The following ICE1 variants were observed in gnomAD, a reference collection of about 807,000 sequenced individuals.
The protein encoded by ICE1 is little elongation complex subunit 1.
A neutral mutation model predicts 192.7 loss-of-function variants in ICE1; 64 were observed. The observed-to-expected ratio is 0.33, with a 90% CI of 0.27 to 0.41. The LOEUF is 0.41. ICE1 is among the 10% of genes least tolerant of loss of function. The pLI is 1.00. For missense variants in ICE1, 2,708 were observed against 2,696.0 expected, an observed-to-expected ratio of 1.00 and a Z score of -0.10; for synonymous variants, 1,010 against 984.5, an observed-to-expected ratio of 1.03 and a Z score of -0.49.
rs1739634328 is a variant in ICE1, at chr5:5,486,195, C to T, written c.6521-526C>T. Among the ~76,000 whole-genome samples the T allele has an allele frequency of 2.0e-5, 3 of 152,182 alleles. No homozygotes were observed. The South Asian group carries it at 6.2e-4, about 32-fold the overall frequency. Reference sequence around the variant, plus strand: ...TGGCTTTTTGAGTGTGAGCACCTGGCAGTGGAGAATAACTCCCATTTAGCG... The same window carrying T: ...TGGCTTTTTGAGTGTGAGCACCTGGTAGTGGAGAATAACTCCCATTTAGCG... On this transcript the variant is annotated intron_variant, in intron 17 of 18. Coordinates refer to ENST00000296564, the MANE Select transcript of ICE1 (RefSeq NM_015325.3).
At position 5,454,597 on chromosome 5, in the gene ICE1, C is replaced by G. The variant is rs776188378; in HGVS notation, c.650C>G (p.Thr217Arg). 7 of 1,613,544 alleles carry G rather than the reference C, an allele frequency of 4.3e-6. No homozygotes were observed. In the South Asian group the frequency reaches 7.7e-5, roughly 18 times the overall value. Reference protein sequence around the residue: ...LLKELWLCVNTTHRLPGEGSR... With the variant: ...LLKELWLCVNRTHRLPGEGSR... ...AAGGAACTCTGGCTCTGTGTAAACACAACACACAGACTACCTGGTGAAGGC... is the reference window on the plus strand; with the variant it reads ...AAGGAACTCTGGCTCTGTGTAAACAGAACACACAGACTACCTGGTGAAGGC... Residue 217 changes from threonine (T) to arginine (R), a missense_variant, in exon 11 of 19, where the codon ACA becomes AGA. Transcript: ENST00000296564.
At chr5:5,454,437 G>A (rs568104023) in intron 10 of ICE1, 115 bp from the exon 11 acceptor site, 71 of 644,730 alleles carry the variant, frequency 1.1e-4, no homozygotes, top group Non-Finnish European at 1.1e-4. Context: ...GTTTGGGGAA[G>A]ATGTATATGT....
At chr5:5,452,755 C>T (rs1003613830) in intron 10 of ICE1, among the ~76,000 whole-genome samples, 1 of 152,086 alleles carries the variant, frequency 6.6e-6, no homozygotes, top group Non-Finnish European at 1.5e-5. Context: ...ATTCAGTAAC[C>T]TACCCTGATT....
Position 5,489,664 on chromosome 5 carries a change from G to A in ICE1, c.*334G>A, listed in dbSNP as rs374622641. On this transcript the variant is annotated 3_prime_UTR_variant, in exon 19 of 19. Transcript: ENST00000296564. ...TTTAGTGGCTTCTTAAAATTGAGTG[G>A]CATTTTATAATGAACTTACCAATAT... is the stretch of plus-strand genomic sequence containing the variant. The A allele has an allele frequency of 2.7e-4, 48 of 176,654 alleles. 1 individual carries two copies. In the South Asian group the frequency reaches 8.0e-3, roughly 29 times the overall value. The allele number at this position is 176,654 out of a possible 1,614,324, so 10.9% of individuals were successfully genotyped here.
intron 10 of ICE1, among the ~76,000 whole-genome samples, chr5:5,448,247 A>G (rs1174401628): frequency 6.6e-6 from 1 of 152,186 alleles, no homozygotes; most frequent in East Asian, 1.9e-4. Flanking sequence ...TATATAAGAA[A>G]ATGTTAAAGT....
chr5:5,440,081 T>C (rs983275708), intron 4 of ICE1, among the ~76,000 whole-genome samples, 168 bp downstream of exon 4: 2 of 151,876 alleles, frequency 1.3e-5, no homozygotes, highest in Admixed American at 6.6e-5. Context: ...ACTCAAGTTC[T>C]CCTACTATTA....
intron 1 of ICE1, among the ~76,000 whole-genome samples, chr5:5,426,175 C>T (rs1342283688): frequency 2.0e-5 from 3 of 152,194 alleles, no homozygotes; most frequent in Non-Finnish European, 2.9e-5. Context: ...GGGCTGGGAG[C>T]GGTGGCTCAT....
intron 16 of ICE1, 100 bp from the exon 17 acceptor site, chr5:5,475,873 C>T (rs554459268): frequency 1.4e-6 from 1 of 738,974 alleles, no homozygotes; most frequent in Non-Finnish European, 2.3e-6. Flanking sequence ...AGATCCTCAG[C>T]AGTTATCCTC....
chr5:5,471,225 A>G (rs1739147774), intron 15 of ICE1, among the ~76,000 whole-genome samples: 1 of 152,176 alleles, frequency 6.6e-6, no homozygotes. Context: ...GAAGACTACT[A>G]CCTGCAGTCC....
chr5:5,483,568 C>G (rs1212578717), intron 17 of ICE1, among the ~76,000 whole-genome samples: 1 of 152,146 alleles, frequency 6.6e-6, no homozygotes, highest in Non-Finnish European at 1.5e-5. Flanking sequence ...CTGCAGTGCT[C>G]AGTTCTTGGC....
Position 5,444,276 on chromosome 5 carries a change from A to G in ICE1, c.387-13A>G. The G allele has an allele frequency of 2.6e-6, 4 of 1,552,596 alleles. No homozygotes were observed. Among genetic ancestry groups the G allele is most frequent in the South Asian group, 2.4e-5 (2 of 83,980 alleles). On this transcript the variant is annotated splice_polypyrimidine_tract_variant and intron_variant, in intron 6 of 18. Transcript: ENST00000296564. ...TCTTTCTTGCCATTTAACTTACACA[A>G]TTTCGTTATTAGGAAGAAGAAACTA...
intron 1 of ICE1, among the ~76,000 whole-genome samples, chr5:5,433,819 TATTC>T (rs1737793190): frequency 6.6e-6 from 1 of 152,164 alleles, no homozygotes; most frequent in African/African-American, 2.4e-5. Context: ...AGCAAAGTCT[TATTC>T]ATGCATGAGA....
At chr5:5,478,077 C>T (rs752721338) in intron 17 of ICE1, among the ~76,000 whole-genome samples, 4 of 152,216 alleles carry the variant, frequency 2.6e-5, no homozygotes, top group African/African-American at 4.8e-5. Flanking sequence ...GGCAAGGATG[C>T]CCTCTCTTAC....
intron 1 of ICE1, among the ~76,000 whole-genome samples, chr5:5,424,451 C>G (rs906345043): frequency 6.8e-6 from 1 of 146,926 alleles, no homozygotes; most frequent in African/African-American, 2.5e-5. Context: ...ATTTATTATT[C>G]GAGCCAATTC....
rs765557607 is a variant in ICE1, at chr5:5,464,150, G to A, written c.4816G>A (p.Ala1606Thr). ...AAGAAGCCAAACTCAGACCATTTTA[G>A]CAAATGCTGATACATCCACTCCTAC... is the stretch of plus-strand genomic sequence containing the variant. ...TQRSQTQTIL[A>T]NADTSTPTDC... The change falls in exon 13 of 19, where the codon GCA becomes ACA. Residue 1606 changes from alanine to threonine, a missense_variant. Around this residue, in one of 2 missense-constraint regions of ICE1, gnomAD observed 2,366 missense variants for 2,276.6 expected, o/e 1.04. Coordinates refer to ENST00000296564, the MANE Select transcript of ICE1 (RefSeq NM_015325.3). This position sits in a 1 kb window ranked among gnomAD's most constrained non-coding sequence, Gnocchi z 4.0. The A allele has an allele frequency of 6.2e-7, 1 of 1,613,546 alleles. No individual in the cohort carries two copies. The highest frequency in any genetic ancestry group is 2.2e-5 in the East Asian group (1 of 44,848).
chr5:5,462,956 A>C lies in ICE1; in HGVS notation c.3622A>C (p.Lys1208Gln). The C allele has an allele frequency of 6.2e-7, 1 of 1,612,832 alleles. No homozygotes were observed. Among genetic ancestry groups the C allele is most frequent in the South Asian group, 1.1e-5 (1 of 90,694 alleles). ...AGGAACCCTAAGTAAAGAAATGAACAAAGAATTAAAGGCAAGTGAAATAGG... is the reference window on the plus strand; with the variant it reads ...AGGAACCCTAAGTAAAGAAATGAACCAAGAATTAAAGGCAAGTGAAATAGG... Reference protein sequence around the residue: ...SKGTLSKEMNKELKASEIGEK... With the variant: ...SKGTLSKEMNQELKASEIGEK... Residue 1208 changes from lysine (K) to glutamine (Q), a missense_variant, in exon 13 of 19, where the codon AAA becomes CAA. Coordinates refer to ENST00000296564, the MANE Select transcript of ICE1 (RefSeq NM_015325.3).
chr5:5,474,566 A>G lies in ICE1; in HGVS notation c.6413+818A>G, dbSNP rs957787832. Among the ~76,000 whole-genome samples the G allele has an allele frequency of 3.9e-5, 6 of 152,360 alleles. No homozygotes were observed. The South Asian group carries it at 1.0e-3, about 26-fold the overall frequency. On this transcript the variant is annotated intron_variant, in intron 16 of 18. Transcript: ENST00000296564. ...AATTAAGCTCTCTGACATTCATTGT[A>G]TGTAGTAAATTAACTTTTCTCTGTG...
At chr5:5,469,837 A>G (rs1739104330) in intron 15 of ICE1, among the ~76,000 whole-genome samples, 1 of 152,326 alleles carries the variant, frequency 6.6e-6, no homozygotes, top group African/African-American at 2.4e-5. Flanking sequence ...TAGACACAAC[A>G]GAGTAGATTC....
chr5:5,452,163 A>ATTTT (rs952502832), intron 10 of ICE1, among the ~76,000 whole-genome samples: 8 of 133,102 alleles, frequency 6.0e-5, no homozygotes, highest in African/African-American at 8.3e-5. Flanking sequence ...TGTTTGTTCC[A>ATTTT]TTTTTTTTTT....
Sources: allele counts gnomAD v4.1 joint callset (sites outside exome capture counted in the v4.1 genomes callset), GRCh38; gene constraint gnomAD v4.1.1; regional missense constraint gnomAD v4.1.1; non-coding constraint Gnocchi (gnomAD v3.1); transcripts MANE v1.5; gene names NCBI Gene and HGNC (gene_info 2026-07-23, HGNC 2026-07-21).